IDUA: variants seen among roughly 807,000 people sequenced by gnomAD.
The protein encoded by IDUA is iduronidase alpha-L-.
A neutral mutation model predicts 68.9 loss-of-function variants in IDUA; 65 were observed. The ratio of observed to expected loss-of-function variants is 0.94; its 90% CI spans 0.77 to 1.16. IDUA has a LOEUF of 1.16. Ranked by LOEUF, IDUA falls within the 50% of genes most tolerant of loss-of-function variation. The probability of loss-of-function intolerance (pLI) is 0.00; values close to 1 mark genes in which losing one functional copy is unlikely to be tolerated. For missense variants in IDUA, 1,046 were observed against 938.0 expected, an observed-to-expected ratio of 1.12 and a Z score of -1.50; for synonymous variants, 529 against 433.6, an observed-to-expected ratio of 1.22 and a Z score of -2.73.
chr4:995,553 C>T (rs1266975890), intron 2 of IDUA, among the ~76,000 whole-genome samples: 2 of 152,234 alleles, frequency 1.3e-5, no homozygotes, highest in Non-Finnish European at 2.9e-5. Flanking sequence ...CAACCCGGCC[C>T]TGGCACCTTG....
chr4:1,002,677 CG>C, intron 8 of IDUA, 54 bp from the exon 9 acceptor site: 18 of 1,299,952 alleles, frequency 1.4e-5, no homozygotes, highest in East Asian at 5.9e-5. Flanking sequence ...GGCCCTGGGT[CG>C]GGGGGCGGCT....
At chr4:991,784 G>C in intron 2 of IDUA, 2 of 1,528,830 alleles carry the variant, frequency 1.3e-6, no homozygotes, top group East Asian at 4.9e-5. Context: ...AGGGCCAAAC[G>C]ACAAGGTCCC....
rs35719765 is a variant in IDUA, at chr4:991,630, C to T, written c.299+3681C>T. 1.0e-3 allele frequency: 1,584 copies of T among 1,576,186 alleles called. 8 individuals are homozygous for T. In the Middle Eastern group the frequency reaches 0.015, roughly 15 times the overall value. Reference sequence around the variant, plus strand: ...GGCCTTCAGCATCTCACGCAGACCCCGGGGTGCTGGGCGCTGCCGTCGGAC... The same window carrying T: ...GGCCTTCAGCATCTCACGCAGACCCTGGGGTGCTGGGCGCTGCCGTCGGAC... On this transcript the variant is annotated intron_variant, in intron 2 of 13. Transcript: ENST00000514224.
intron 3 of IDUA, 29 bp downstream of exon 3, chr4:1,000,726 C>A (rs775942152): frequency 1.3e-6 from 2 of 1,560,322 alleles, no homozygotes; most frequent in Non-Finnish European, 1.8e-6. Context: ...CCTCCCAGCC[C>A]GCCTGCACCC....
In IDUA at chr4:1,004,086, C is replaced by T. The variant is rs200089576; in HGVS notation, c.1802C>T (p.Thr601Ile). 22 of 1,612,906 alleles carry T rather than the reference C, an allele frequency of 1.4e-5. No individual in the cohort carries two copies. The highest frequency in any genetic ancestry group is 1.6e-4 in the Middle Eastern group (1 of 6,084). Residue 601 changes from threonine to isoleucine, a missense_variant, in exon 13 of 14, where the codon ACC (threonine) becomes ATC (isoleucine). Physicochemically the swap from Thr to Ile is moderately conservative, Grantham distance 89. Coordinates refer to ENST00000514224, the MANE Select transcript of IDUA (RefSeq NM_000203.5). This position sits in a 1 kb window ranked among gnomAD's most constrained non-coding sequence, Gnocchi z 5.0. ...AYTPVSRKPS[T>I]FNLFVFSPDT... ...ACCCCGGTCAGCAGGAAGCCATCGA[C>T]CTTCAACCTCTTTGTGTTCAGCCCA...
rs143894909 is a variant in IDUA, at chr4:989,998, C to T, written c.299+2049C>T. ...GTCGCCAGCCACGCTCGAGCCAAAGCGCTTGTGGAGCTGCCCGAAGTGCGA... is the reference window on the plus strand; with the variant it reads ...GTCGCCAGCCACGCTCGAGCCAAAGTGCTTGTGGAGCTGCCCGAAGTGCGA... On this transcript the variant is annotated intron_variant, in intron 2 of 13. Coordinates refer to ENST00000514224, the MANE Select transcript of IDUA (RefSeq NM_000203.5). The T allele has an allele frequency of 4.2e-5, 66 of 1,567,540 alleles. No individual in the cohort carries two copies. The African/African-American group carries it at 7.0e-4, about 17-fold the overall frequency.
intron 4 of IDUA, chr4:1,001,223 G>T: frequency 3.2e-6 from 2 of 622,700 alleles, no homozygotes; most frequent in Non-Finnish European, 5.7e-6. Flanking sequence ...GGGCCCCTGG[G>T]GTGGGGGGTA....
rs753181255 is a variant in IDUA at position 989,874 on chromosome 4, G to A, written c.299+1925G>A. ...CGAACATCTCCGCCAGCGAGATGGA[G>A]AAGGCGGCAGCCACGAGGGCCAGGG... On this transcript the variant is annotated intron_variant, in intron 2 of 13. Transcript: ENST00000514224. 1.1e-5 allele frequency: 18 copies of A among 1,573,618 alleles called. No homozygotes were observed. The South Asian group carries it at 2.0e-4, about 17-fold the overall frequency.
In IDUA at chr4:987,133, C is replaced by A. The variant is rs749763468; in HGVS notation, c.49C>A (p.Leu17Ile). The stretch of plus-strand genomic sequence containing the variant: ...CGCGCTGCTGGCGCTCCTGGCCTCG[C>A]TCCTGGCCGCGCCCCCGGTGGCCCC... ...RAALLALLASLLAAPPVAPAE... is the reference protein window; with the variant it reads ...RAALLALLASILAAPPVAPAE... Residue 17 changes from leucine (L) to isoleucine (I), a missense_variant, in exon 1 of 14, where the codon CTC becomes ATC. Physicochemically the swap from Leu to Ile is conservative, Grantham distance 5. Coordinates refer to ENST00000514224, the MANE Select transcript of IDUA (RefSeq NM_000203.5). 1 of 1,423,756 alleles carries A rather than the reference C, an allele frequency of 7.0e-7. No individual in the cohort carries two copies. Among genetic ancestry groups the A allele is most frequent in the Non-Finnish European group, 9.1e-7 (1 of 1,094,524 alleles). The allele number at this position is 1,423,756 out of a possible 1,614,324, so 88.2% of individuals were successfully genotyped here. A position where few individuals can be genotyped will look rare whatever the true frequency, so the allele number is the denominator to read the frequency against.
chr4:990,393 C>T (rs1287743787), intron 2 of IDUA: 24 of 1,541,974 alleles, frequency 1.6e-5, no homozygotes, highest in Admixed American at 8.0e-5. Flanking sequence ...GGCCAGCAGG[C>T]GCCTGGCGGG....
intron 1 of IDUA, 186 bp from the exon 2 acceptor site, chr4:987,623 C>T (rs1713837668): frequency 6.9e-7 from 1 of 1,443,580 alleles, no homozygotes; most frequent in East Asian, 2.5e-5. Flanking sequence ...CTTACTGCTG[C>T]TGCCGTTCCC....
rs548478729 is a variant in IDUA at position 994,361 on chromosome 4, T to C, written c.300-6251T>C. On this transcript the variant is annotated intron_variant, in intron 2 of 13. Transcript: ENST00000514224. ...TGTGATCTCGGCTCACTGGAAGCTC[T>C]GCCTCCTGGGTTCACGCCATTCTCC... 5.9e-4 allele frequency among the ~76,000 whole-genome samples: 90 copies of C among 151,716 alleles called. 2 individuals are homozygous for C. The South Asian group carries it at 0.01, about 18-fold the overall frequency.
chr4:996,858 C>G (rs1008799550), intron 2 of IDUA, among the ~76,000 whole-genome samples: 2 of 152,140 alleles, frequency 1.3e-5, no homozygotes, highest in Admixed American at 1.3e-4. Context: ...CTACCCCGAG[C>G]CTGTGCACGC....
Position 988,844 on chromosome 4 carries a change from C to T in IDUA, c.299+895C>T, listed in dbSNP as rs756960266. On this transcript the variant is annotated intron_variant, in intron 2 of 13. Transcript: ENST00000514224. ...CAGGCCTGGCCCTGCTACAGATGGG[C>T]ATCGGTGGCCTCCAGCTCCCTGTGG... The T allele has an allele frequency of 1.3e-6, 2 of 1,597,956 alleles. No individual in the cohort carries two copies. The highest frequency in any genetic ancestry group is 1.1e-5 in the South Asian group (1 of 88,706).
chr4:991,150 G>A lies in IDUA; in HGVS notation c.299+3201G>A, dbSNP rs139024319. The A allele has an allele frequency of 2.9e-4, 457 of 1,552,418 alleles. No homozygotes were observed. Among genetic ancestry groups the A allele is most frequent in the Non-Finnish European group, 3.6e-4 (411 of 1,146,024 alleles). On this transcript the variant is annotated intron_variant, in intron 2 of 13. Coordinates refer to ENST00000514224, the MANE Select transcript of IDUA (RefSeq NM_000203.5). ...CACCTGGTAAAGCCCGGTCATCAGC[G>A]TGAGGGCGGTGGCGACACGGATGGC...
rs1295530132 is a variant in IDUA, at chr4:1,002,879, C to A, written c.1337C>A (p.Thr446Asn). ...GTGCTGATCTACGCGAGCGACGACACCCGCGCCCACCCCAACCGCAGCGTC... is the reference window on the plus strand; with the variant it reads ...GTGCTGATCTACGCGAGCGACGACAACCGCGCCCACCCCAACCGCAGCGTC... ...AAVLIYASDDTRAHPNRSVAV... is the reference protein window; with the variant it reads ...AAVLIYASDDNRAHPNRSVAV... Residue 446 changes from threonine (T) to asparagine (N), a missense_variant, in exon 9 of 14, where the codon ACC (threonine) becomes AAC (asparagine). Coordinates refer to ENST00000514224, the MANE Select transcript of IDUA (RefSeq NM_000203.5). 4 of 1,435,210 alleles carry A rather than the reference C, an allele frequency of 2.8e-6. No individual in the cohort carries two copies. The highest frequency in any genetic ancestry group is 1.5e-5 in the African/African-American group (1 of 67,136). 88.9% of individuals were successfully genotyped at this position (1,435,210 alleles called of 1,614,324 possible). A position where few individuals can be genotyped will look rare whatever the true frequency, so the allele number is the denominator to read the frequency against.
In IDUA at chr4:987,162, C is replaced by T. The variant is rs1713791454; in HGVS notation, c.78C>T (p.Ala26=). Residue 26 remains alanine, a synonymous_variant, in exon 1 of 14, where the codon GCC becomes GCT. Coordinates refer to ENST00000514224, the MANE Select transcript of IDUA (RefSeq NM_000203.5). The stretch of plus-strand genomic sequence containing the variant: ...TGGCCGCGCCCCCGGTGGCCCCGGC[C>T]GAGGCCCCGCACCTGGTGCATGTGG... ...SLLAAPPVAP[A]EAPHLVHVDA... 7.0e-7 allele frequency: 1 copy of T among 1,432,598 alleles called. No individual in the cohort carries two copies. The highest frequency in any genetic ancestry group is 9.1e-7 in the Non-Finnish European group (1 of 1,098,944). The allele number at this position is 1,432,598 out of a possible 1,614,324, so 88.7% of individuals were successfully genotyped here. A position where few individuals can be genotyped will look rare whatever the true frequency, so the allele number is the denominator to read the frequency against.
Position 1,000,970 on chromosome 4 carries a change from C to T in IDUA, c.474C>T (p.Ser158=), listed in dbSNP as rs1473137019. Residue 158 remains serine (S), a synonymous_variant, in exon 4 of 14, where the codon AGC becomes AGT. Transcript: ENST00000514224. ...QVFEWKDLVS[S]LARRYIGRYG... ...TTGAGTGGAAGGACTTGGTCTCCAG[C>T]CTGGCCAGGAGATACATCGGTGGGC... 1.2e-6 allele frequency: 2 copies of T among 1,612,664 alleles called. No homozygotes were observed. Among genetic ancestry groups the T allele is most frequent in the Non-Finnish European group, 1.7e-6 (2 of 1,179,340 alleles).
intron 2 of IDUA, chr4:989,425 G>A (rs1005821494): frequency 1.3e-6 from 2 of 1,555,424 alleles, no homozygotes; most frequent in African/African-American, 2.7e-5. Flanking sequence ...TGGGCGTTGG[G>A]TGCGGCCGGC....
Sources: allele counts gnomAD v4.1 joint callset (sites outside exome capture counted in the v4.1 genomes callset), GRCh38; gene constraint gnomAD v4.1.1; non-coding constraint Gnocchi (gnomAD v3.1); transcripts MANE v1.5; gene names NCBI Gene and HGNC (gene_info 2026-07-23, HGNC 2026-07-21).